CST2: variants seen among roughly 807,000 people sequenced by gnomAD.
The protein encoded by CST2 is cystatin-SA.
CST2 carries 26 observed loss-of-function variants against 13.4 expected under a neutral mutation model. That is an observed-to-expected ratio of 1.95 (90% confidence interval 1.43 to 2.70). The LOEUF (loss-of-function observed/expected upper bound fraction) is 2.70, where lower values mean the gene tolerates loss of function less well. Ranked by LOEUF, CST2 falls within the 30% of genes most tolerant of loss-of-function variation. The probability of loss-of-function intolerance (pLI) is 0.00; values close to 1 mark genes in which losing one functional copy is unlikely to be tolerated. For synonymous variants in CST2, 105 were observed against 71.1 expected (o/e 1.48, Z -2.40); for missense variants, 243 against 173.4 (o/e 1.40, Z -2.25).
In CST2 at chr20:23,826,575, A is replaced by T; in HGVS notation, c.86T>A (p.Ile29Lys). ...LAWSPQEEDRIIEGGIYDADL... is the reference protein window; with the variant it reads ...LAWSPQEEDRKIEGGIYDADL... Reference sequence around the variant, plus strand: ...TGCATCATAGATGCCACCCTCGATTATCCTGTCCTCCTCCTGGGGGCTCCA... The same window carrying T: ...TGCATCATAGATGCCACCCTCGATTTTCCTGTCCTCCTCCTGGGGGCTCCA... Residue 29 changes from isoleucine (I) to lysine (K), a missense_variant, in exon 1 of 3, where the codon ATA becomes AAA. By Grantham distance (102) the Ile-to-Lys change is moderately radical. Coordinates refer to ENST00000304725, the MANE Select transcript of CST2 (RefSeq NM_001322.3). 3.1e-6 allele frequency: 5 copies of T among 1,613,976 alleles called. No homozygotes were observed. Among genetic ancestry groups the T allele is most frequent in the Non-Finnish European group, 4.2e-6 (5 of 1,179,984 alleles).
intron 1 of CST2, 93 bp downstream of exon 1, chr20:23,826,340 A>G: frequency 1.0e-6 from 1 of 971,088 alleles, no homozygotes; most frequent in South Asian, 1.5e-5. Context: ...TAGATCATGA[A>G]TGTATCAGTG....
intron 2 of CST2, among the ~76,000 whole-genome samples, chr20:23,824,321 C>T (rs1466998089): frequency 2.0e-5 from 3 of 152,158 alleles, no homozygotes; most frequent in Admixed American, 6.5e-5. Context: ...TGGGCCCCCA[C>T]CGCAGCCTGC....
At chr20:23,826,411 C>A (rs758953972) in intron 1 of CST2, 22 bp downstream of exon 1, 4 of 1,608,140 alleles carry the variant, frequency 2.5e-6, no homozygotes, top group Non-Finnish European at 3.4e-6. Flanking sequence ...CTCAGGACCC[C>A]TCAGGTGGAG....
At chr20:23,825,438 A>G (rs1984803237) in intron 1 of CST2, 115 bp from the exon 2 acceptor site, 1 of 1,029,894 alleles carries the variant, frequency 9.7e-7, no homozygotes, top group African/African-American at 1.6e-5. Context: ...TGAGCTGCCC[A>G]CATGTCAACA....
chr20:23,826,243 G>A (rs1984832311), intron 1 of CST2, among the ~76,000 whole-genome samples, 190 bp downstream of exon 1: 1 of 152,200 alleles, frequency 6.6e-6, no homozygotes, highest in South Asian at 2.1e-4. Flanking sequence ...CCCATCCAGA[G>A]TCAGCATAGT....
In CST2 at chr20:23,823,897, G is replaced by A. The variant is rs1347829548; in HGVS notation, c.*123C>T. 1 of 1,036,524 alleles carries A rather than the reference G, an allele frequency of 9.6e-7. No individual in the cohort carries two copies. The highest frequency in any genetic ancestry group is 1.4e-6 in the Non-Finnish European group (1 of 690,626). 64.2% of individuals were successfully genotyped at this position (1,036,524 alleles called of 1,614,324 possible). ...ACAAAGGCCTCCTGCAGCCTTCTCT[G>A]TCTTCTCCTGCTGCAGGTGCATGGG... On this transcript the variant is annotated 3_prime_UTR_variant, in exon 3 of 3. Transcript: ENST00000304725.
Position 23,823,880 on chromosome 20 carries a change from C to T in CST2, c.*140G>A. On this transcript the variant is annotated 3_prime_UTR_variant, in exon 3 of 3. Transcript: ENST00000304725. ...GAGTCCCCTGCTGAGCAACAAAGGCCTCCTGCAGCCTTCTCTGTCTTCTCC... is the reference window on the plus strand; with the variant it reads ...GAGTCCCCTGCTGAGCAACAAAGGCTTCCTGCAGCCTTCTCTGTCTTCTCC... The T allele has an allele frequency of 1.2e-6, 1 of 863,784 alleles. No individual in the cohort carries two copies. The highest frequency in any genetic ancestry group is 1.7e-5 in the South Asian group (1 of 60,014). 53.5% of individuals were successfully genotyped at this position (863,784 alleles called of 1,614,324 possible).
At chr20:23,826,402 T>A (rs773091130) in intron 1 of CST2, 31 bp downstream of exon 1, 1 of 1,595,860 alleles carries the variant, frequency 6.3e-7, no homozygotes, top group African/African-American at 1.3e-5. Context: ...AGGCTGGGAC[T>A]CAGGACCCCT....
chr20:23,825,214 T>C lies in CST2; in HGVS notation c.338A>G (p.Gln113Arg), dbSNP rs147738926. 1.2e-4 allele frequency: 200 copies of C among 1,614,030 alleles called. No individual in the cohort carries two copies. The highest frequency in any genetic ancestry group is 5.5e-4 in the African/African-American group (41 of 74,936). Residue 113 changes from glutamine (Q) to arginine (R), a missense_variant, in exon 2 of 3, where the codon CAG (glutamine) becomes CGG (arginine). Transcript: ENST00000304725. ...TCAFHEQPELQKKQLCSFQIY... is the reference protein window; with the variant it reads ...TCAFHEQPELRKKQLCSFQIY... Reference sequence around the variant, plus strand: ...GGACCCGCATCAGGAACGTACCTTCTGCAGTTCTGGCTGTTCATGGAAGGC... The same window carrying C: ...GGACCCGCATCAGGAACGTACCTTCCGCAGTTCTGGCTGTTCATGGAAGGC...
At chr20:23,826,341 T>C in intron 1 of CST2, 92 bp downstream of exon 1, 1 of 972,074 alleles carries the variant, frequency 1.0e-6, no homozygotes, top group Non-Finnish European at 1.6e-6. Context: ...AGATCATGAA[T>C]GTATCAGTGT....
At chr20:23,825,662 G>A (rs551396553) in intron 1 of CST2, among the ~76,000 whole-genome samples, 6 of 152,328 alleles carry the variant, frequency 3.9e-5, no homozygotes, top group African/African-American at 1.4e-4. Context: ...GCAATGCCCT[G>A]TGCTTCACTC....
At position 23,825,267 on chromosome 20, in the gene CST2, G is replaced by A. The variant is rs1984794290; in HGVS notation, c.285C>T (p.Thr95=). The part of the protein sequence containing the change: ...FDIEVGRTIC[T]KSQPNLDTCA... Reference sequence around the variant, plus strand: ...AGGTGTCCAAGTTGGGCTGGGACTTGGTACATATGGTTCGGCCCACCTCTA... The same window carrying A: ...AGGTGTCCAAGTTGGGCTGGGACTTAGTACATATGGTTCGGCCCACCTCTA... The change falls in exon 2 of 3, where the codon ACC becomes ACT. Residue 95 remains threonine, a synonymous_variant. Transcript: ENST00000304725. 3 of 1,613,958 alleles carry A rather than the reference G, an allele frequency of 1.9e-6. No individual in the cohort carries two copies. The highest frequency in any genetic ancestry group is 1.7e-6 in the Non-Finnish European group (2 of 1,180,030).
intron 2 of CST2, 123 bp downstream of exon 2, chr20:23,825,087 T>C (rs1425989162): frequency 1.5e-5 from 21 of 1,356,256 alleles, no homozygotes; most frequent in African/African-American, 4.3e-5. Flanking sequence ...CATCCATGCA[T>C]ACATGACTCC....
chr20:23,824,221 C>T, intron 2 of CST2, 118 bp from the exon 3 acceptor site: 2 of 976,190 alleles, frequency 2.0e-6, no homozygotes, highest in South Asian at 3.0e-5. Flanking sequence ...TGGGCCCTCA[C>T]CCACCCCTGC....
chr20:23,824,316 C>T (rs1373045547), intron 2 of CST2, among the ~76,000 whole-genome samples: 4 of 152,082 alleles, frequency 2.6e-5, no homozygotes, highest in Non-Finnish European at 5.9e-5. Context: ...GGCATTGGGC[C>T]CCCACCGCAG....
rs774284264 is a variant in CST2, at chr20:23,824,064, C to A, written c.382G>T (p.Glu128Ter). The A allele has an allele frequency of 1.9e-6, 3 of 1,614,100 alleles. No homozygotes were observed. The highest frequency in any genetic ancestry group is 2.5e-6 in the Non-Finnish European group (3 of 1,179,984). ...CSFQIYEVPW[E>*]DRMSLVNSRC... ...GAATTCACCAGGGACATTCTGTCCT[C>A]CCAGGGAACTTCGTAGATCTGGAAA... The change falls in exon 3 of 3, where the codon GAG becomes TAG. Residue 128 changes from glutamate to a stop codon, truncating the protein, a stop_gained. Transcript: ENST00000304725. LOFTEE classifies it high-confidence loss of function.
chr20:23,824,151 G>C (rs756718253), intron 2 of CST2, 48 bp from the exon 3 acceptor site: 1 of 1,594,518 alleles, frequency 6.3e-7, no homozygotes, highest in African/African-American at 1.3e-5. Context: ...TACAGTTAAA[G>C]GGGAAGTCAC....
Position 23,826,680 on chromosome 20 carries a change from C to T in CST2, c.-20G>A. On this transcript the variant is annotated 5_prime_UTR_variant, in exon 1 of 3. Coordinates refer to ENST00000304725, the MANE Select transcript of CST2 (RefSeq NM_001322.3). Reference sequence around the variant, plus strand: ...GGCCATGGTCTCCTCGGAGGCAGAGCACAGAGCTGGAGCTGCAGGAGAGGA... The same window carrying T: ...GGCCATGGTCTCCTCGGAGGCAGAGTACAGAGCTGGAGCTGCAGGAGAGGA... The T allele has an allele frequency of 6.4e-7, 1 of 1,572,120 alleles. No individual in the cohort carries two copies. The highest frequency in any genetic ancestry group is 8.6e-7 in the Non-Finnish European group (1 of 1,159,694).
chr20:23,825,205 C>A lies in CST2; in HGVS notation c.342+5G>T, dbSNP rs145461994. 6.2e-7 allele frequency: 1 copy of A among 1,614,028 alleles called. No homozygotes were observed. Among genetic ancestry groups the A allele is most frequent in the Non-Finnish European group, 8.5e-7 (1 of 1,180,010 alleles). On this transcript the variant is annotated splice_donor_5th_base_variant and intron_variant, in intron 2 of 2. Transcript: ENST00000304725. ...ACTGGCCTGGGACCCGCATCAGGAA[C>A]GTACCTTCTGCAGTTCTGGCTGTTC... is the stretch of plus-strand genomic sequence containing the variant.
Sources: allele counts gnomAD v4.1 joint callset (sites outside exome capture counted in the v4.1 genomes callset), GRCh38; gene constraint gnomAD v4.1.1; transcripts MANE v1.5; gene names NCBI Gene and HGNC (gene_info 2026-07-23, HGNC 2026-07-21).